The following MTAP variants were observed in gnomAD, a reference collection of about 807,000 sequenced individuals.
MTAP encodes the protein methylthioadenosine phosphorylase, also known as S-methyl-5'-thioadenosine phosphorylase.
In MTAP, 33 loss-of-function variants were observed where a neutral mutation model predicts 33.6. That is an observed-to-expected ratio of 0.98 (90% CI 0.74 to 1.31). MTAP has a LOEUF of 1.31. Ranked by LOEUF, MTAP falls within the 40% of genes most tolerant of loss-of-function variation. The probability of loss-of-function intolerance (pLI) is 0.00; values close to 1 mark genes in which losing one functional copy is unlikely to be tolerated. For synonymous variants in MTAP, 148 were observed against 125.7 expected, an observed-to-expected ratio of 1.18 and a Z score of -1.19; for missense variants, 367 against 360.0, an observed-to-expected ratio of 1.02 and a Z score of -0.16.
chr9:21,814,396 A>G (rs997210583), intron 1 of MTAP, among the ~76,000 whole-genome samples: 2 of 152,132 alleles, frequency 1.3e-5, no homozygotes, highest in South Asian at 4.1e-4. Flanking sequence ...GTGACAATAG[A>G]TTTAAAGCTT....
At chr9:21,883,918 T>C (rs1206623292) in intron 1 of MTAP, among the ~76,000 whole-genome samples, 3 of 152,026 alleles carry the variant, frequency 2.0e-5, no homozygotes, top group Non-Finnish European at 1.5e-5. Flanking sequence ...CAGGGGGCTG[T>C]TGTGAAGGTC....
chr9:21,839,190 A>ATTTTTTT (rs1349545888), intron 5 of MTAP, among the ~76,000 whole-genome samples: 1 of 107,910 alleles, frequency 9.3e-6, no homozygotes. Flanking sequence ...TTTTTTTTTA[A>ATTTTTTT]AAAAGTGGCA....
intron 4 of MTAP, among the ~76,000 whole-genome samples, chr9:21,832,956 C>T (rs1825010548): frequency 6.6e-6 from 1 of 152,138 alleles, no homozygotes; most frequent in Non-Finnish European, 1.5e-5. Flanking sequence ...GTTGTCACCA[C>T]CTATGTAGAG....
At chr9:21,883,165 C>T (rs868492549) in intron 1 of MTAP, among the ~76,000 whole-genome samples, 11 of 148,854 alleles carry the variant, frequency 7.4e-5, no homozygotes, top group Non-Finnish European at 1.5e-5. Flanking sequence ...TATCCAAAAA[C>T]ACCCTAACAA....
intron 1 of MTAP, among the ~76,000 whole-genome samples, chr9:21,902,785 G>A (rs375153217): frequency 2.6e-5 from 4 of 152,268 alleles, no homozygotes; most frequent in South Asian, 2.1e-4. Flanking sequence ...ATGCCTGGAG[G>A]TGTGGATAGA....
Position 21,802,838 on chromosome 9 carries a change from C to T in MTAP, c.33+57C>T, listed in dbSNP as rs779989031. 7.5e-6 allele frequency: 12 copies of T among 1,604,038 alleles called. No homozygotes were observed. In the South Asian group the frequency reaches 1.1e-4, roughly 15 times the overall value. On this transcript the variant is annotated intron_variant, in intron 1 of 7. Coordinates refer to ENST00000644715, the MANE Select transcript of MTAP (RefSeq NM_002451.4). ...GCCCTGCCGGATGCCTTCTCGCCCCCGCGCCGGGGGACCGCGCCTCCGGGG... is the reference window on the plus strand; with the variant it reads ...GCCCTGCCGGATGCCTTCTCGCCCCTGCGCCGGGGGACCGCGCCTCCGGGG...
chr9:21,883,515 A>G (rs1463743441), intron 1 of MTAP, among the ~76,000 whole-genome samples: 1 of 152,030 alleles, frequency 6.6e-6, no homozygotes, highest in African/African-American at 2.4e-5. Context: ...AGCAGTCTGG[A>G]TCCAATCAGG....
intron 4 of MTAP, among the ~76,000 whole-genome samples, chr9:21,821,401 G>C (rs1328518609): frequency 6.6e-6 from 1 of 152,174 alleles, no homozygotes; most frequent in Non-Finnish European, 1.5e-5. Context: ...TTTTGTCTTT[G>C]GTTCTGTTTA....
downstream of MTAP, among the ~76,000 whole-genome samples, chr9:21,869,674 C>A (rs148131127): frequency 6.6e-6 from 1 of 152,158 alleles, no homozygotes; most frequent in East Asian, 1.9e-4. Context: ...CTCTTCAAAA[C>A]CCACATTAAA....
chr9:21,849,879 T>C (rs954720557), intron 5 of MTAP, among the ~76,000 whole-genome samples: 2 of 152,250 alleles, frequency 1.3e-5, no homozygotes, highest in Non-Finnish European at 2.9e-5. Context: ...ACACATCTCC[T>C]GGTACCTGGT....
At chr9:21,853,418 C>A (rs1254195755) in intron 5 of MTAP, among the ~76,000 whole-genome samples, 4 of 152,156 alleles carry the variant, frequency 2.6e-5, no homozygotes, top group Non-Finnish European at 5.9e-5. Context: ...GATGTAGCAT[C>A]AACTGTTCAT....
intron 1 of MTAP, among the ~76,000 whole-genome samples, chr9:21,876,894 G>T (rs539116217): frequency 6.6e-6 from 1 of 152,054 alleles, no homozygotes; most frequent in South Asian, 2.1e-4. Context: ...TTTCTGTGAA[G>T]AATTGTCATT....
At chr9:21,887,697 G>T (rs539870496) in intron 1 of MTAP, among the ~76,000 whole-genome samples, 2 of 152,118 alleles carry the variant, frequency 1.3e-5, no homozygotes, top group African/African-American at 2.4e-5. Context: ...ACTGACTTCC[G>T]CAATGGTTGA....
intron 1 of MTAP, chr9:21,811,901 T>A: frequency 2.7e-6 from 1 of 374,514 alleles, no homozygotes; most frequent in South Asian, 2.2e-5. Context: ...CACACACAGC[T>A]GTTTTTATAT....
chr9:21,870,970 C>A (rs1291855395), downstream of MTAP, among the ~76,000 whole-genome samples: 1 of 151,818 alleles, frequency 6.6e-6, no homozygotes, highest in Non-Finnish European at 1.5e-5. Flanking sequence ...AGGGTTTCAC[C>A]ATGTTGGCCA....
At position 21,863,521 on chromosome 9, in the gene MTAP, G is replaced by A. The variant is rs528904756; in HGVS notation, c.*1507G>A. The A allele has an allele frequency of 1.5e-4, 89 of 576,656 alleles. 1 individual carries two copies. The highest frequency in any genetic ancestry group is 1.9e-4 in the Non-Finnish European group (86 of 456,484). 35.7% of individuals were successfully genotyped at this position (576,656 alleles called of 1,614,324 possible). A position where few individuals can be genotyped will look rare whatever the true frequency, so the allele number is the denominator to read the frequency against. On this transcript the variant is annotated 3_prime_UTR_variant, in exon 8 of 8. Transcript: ENST00000644715. The stretch of plus-strand genomic sequence containing the variant: ...ACTCAGGAGGCTGAGGCAGGAGAAT[G>A]GTGTGAACCTGGGAGGTGGAGCTTG...
At chr9:21,920,537 CA>C (rs1409723635) in intron 1 of MTAP, among the ~76,000 whole-genome samples, 1 of 152,084 alleles carries the variant, frequency 6.6e-6, no homozygotes, top group African/African-American at 2.4e-5. Flanking sequence ...ATTTTACCAA[CA>C]AAAAAGTGCA....
chr9:21,802,664 G>C lies in MTAP; in HGVS notation c.-85G>C, dbSNP rs1824077532. The stretch of plus-strand genomic sequence containing the variant: ...CGCACTGCTCACTCCCGCGCAGTGA[G>C]GTTGGCACAGCCACCGCTCTGTGGC... On this transcript the variant is annotated 5_prime_UTR_variant, in exon 1 of 8. Transcript: ENST00000644715. 8 of 1,522,680 alleles carry C rather than the reference G, an allele frequency of 5.3e-6. No individual in the cohort carries two copies. The highest frequency in any genetic ancestry group is 7.2e-6 in the Non-Finnish European group (8 of 1,105,236). 94.3% of individuals were successfully genotyped at this position (1,522,680 alleles called of 1,614,324 possible).
intron 5 of MTAP, among the ~76,000 whole-genome samples, chr9:21,839,257 A>G (rs144847938): frequency 7.2e-4 from 109 of 151,410 alleles, no homozygotes; most frequent in Non-Finnish European, 9.0e-4. Flanking sequence ...CACAGAATGT[A>G]TCAGAATGCT....
Sources: allele counts gnomAD v4.1 joint callset (sites outside exome capture counted in the v4.1 genomes callset), GRCh38; gene constraint gnomAD v4.1.1; transcripts MANE v1.5; gene names NCBI Gene and HGNC (gene_info 2026-07-23, HGNC 2026-07-21).